ARVCF: variants seen among roughly 807,000 people sequenced by gnomAD.
The protein encoded by ARVCF is ARVCF delta catenin family member.
A neutral mutation model predicts 90.9 loss-of-function variants in ARVCF; 66 were observed. The observed-to-expected ratio is 0.73, with a 90% CI of 0.60 to 0.89. The LOEUF is 0.89. Among genes scored for constraint, ARVCF ranks in the 40% least tolerant of loss-of-function variants. The pLI is 0.00. For missense variants in ARVCF, 1,469 were observed against 1,382.3 expected, an observed-to-expected ratio of 1.06 and a Z score of -1.00; for synonymous variants, 653 against 603.4, an observed-to-expected ratio of 1.08 and a Z score of -1.21.
intron 2 of ARVCF, among the ~76,000 whole-genome samples, chr22:20,006,511 G>A (rs545666046): frequency 4.3e-4 from 64 of 150,354 alleles, no homozygotes; most frequent in Non-Finnish European, 6.8e-4. Flanking sequence ...CCCAGGAGGC[G>A]GAGCTTGCAG....
intron 2 of ARVCF, among the ~76,000 whole-genome samples, chr22:19,998,718 G>T (rs1201731970): frequency 6.6e-6 from 1 of 152,230 alleles, no homozygotes; most frequent in African/African-American, 2.4e-5. Flanking sequence ...TGCCCAGGAT[G>T]GCTGCAGGAA....
intron 16 of ARVCF, 99 bp from the exon 17 acceptor site, chr22:19,972,510 TC>T: frequency 6.9e-7 from 1 of 1,451,476 alleles, no homozygotes. Flanking sequence ...CTAGAGGCTC[TC>T]TGTCACTAAG....
At chr22:19,984,072 G>A (rs992311304) in intron 3 of ARVCF, among the ~76,000 whole-genome samples, 1 of 152,198 alleles carries the variant, frequency 6.6e-6, no homozygotes, top group Non-Finnish European at 1.5e-5. Flanking sequence ...CAGGCACTGA[G>A]GGGCTGCAGT....
intron 6 of ARVCF, chr22:19,979,512 G>A: frequency 4.6e-6 from 3 of 654,506 alleles, no homozygotes; most frequent in Non-Finnish European, 5.1e-6. Flanking sequence ...GAGGTGAGGG[G>A]ACATGCCCGA....
intron 2 of ARVCF, among the ~76,000 whole-genome samples, chr22:19,993,850 G>A (rs945277246): frequency 6.6e-6 from 1 of 152,172 alleles, no homozygotes; most frequent in Non-Finnish European, 1.5e-5. Context: ...AAAATAAACT[G>A]CAAAACAAAA....
rs923309318 is a variant in ARVCF at position 19,981,867 on chromosome 22, C to G, written c.369+66G>C. The G allele has an allele frequency of 3.2e-6, 5 of 1,586,640 alleles. No individual in the cohort carries two copies. In the Admixed American group the frequency reaches 8.7e-5, roughly 27 times the overall value. ...CACGTGGCAAGCTTCCATGTCCACT[C>G]TGCAGGTGGGACAGCTGCAGCAGCC... On this transcript the variant is annotated intron_variant, in intron 4 of 19. Coordinates refer to ENST00000263207, the MANE Select transcript of ARVCF (RefSeq NM_001670.3).
downstream of ARVCF, among the ~76,000 whole-genome samples, chr22:19,965,886 G>A (rs1425582997): frequency 6.6e-6 from 1 of 152,158 alleles, no homozygotes; most frequent in Admixed American, 6.5e-5. Flanking sequence ...CCCTGACAAA[G>A]GAGCATGATG....
chr22:19,972,699 G>C, intron 16 of ARVCF, 38 bp downstream of exon 16: 1 of 1,558,342 alleles, frequency 6.4e-7, no homozygotes, highest in Non-Finnish European at 8.7e-7. Context: ...GGCAGCTGGG[G>C]TCGCCACCCT....
chr22:19,987,935 G>A (rs1943880228), intron 3 of ARVCF, among the ~76,000 whole-genome samples: 1 of 152,176 alleles, frequency 6.6e-6, no homozygotes, highest in South Asian at 2.1e-4. Flanking sequence ...AAAAATGGGA[G>A]GGGAAGGGCC....
downstream of ARVCF, chr22:19,968,721 C>G (rs762482920): frequency 6.2e-7 from 1 of 1,604,810 alleles, no homozygotes; most frequent in Admixed American, 1.7e-5. Flanking sequence ...GCCCAGGCAG[C>G]GAAGCAGGGC....
intron 2 of ARVCF, among the ~76,000 whole-genome samples, chr22:20,003,533 A>C (rs1220919920): frequency 6.6e-6 from 1 of 152,222 alleles, no homozygotes; most frequent in Non-Finnish European, 1.5e-5. Context: ...AAACCTAACC[A>C]AGTGGGATTT....
chr22:19,987,205 C>A, intron 3 of ARVCF: 1 of 308,486 alleles, frequency 3.2e-6, no homozygotes, highest in Admixed American at 5.3e-5. Flanking sequence ...TCGCTCCCCG[C>A]GGGGGCGGAT....
chr22:19,973,768 A>C lies in ARVCF; in HGVS notation c.2114T>G (p.Val705Gly). ...CACCGGCAGCCCGCGCTCTTTGCGCACTGTGGCGCGGATGTACGTGGCCCA... is the reference window on the plus strand; with the variant it reads ...CACCGGCAGCCCGCGCTCTTTGCGCCCTGTGGCGCGGATGTACGTGGCCCA... ...WMWATYIRATVRKERGLPVLV... is the reference protein window; with the variant it reads ...WMWATYIRATGRKERGLPVLV... Residue 705 changes from valine (V) to glycine (G), a missense_variant, in exon 13 of 20, where the codon GTG becomes GGG. By Grantham distance (109) the Val-to-Gly change is moderately radical. Coordinates refer to ENST00000263207, the MANE Select transcript of ARVCF (RefSeq NM_001670.3). 1 of 1,607,180 alleles carries C rather than the reference A, an allele frequency of 6.2e-7. No individual in the cohort carries two copies. The highest frequency in any genetic ancestry group is 8.5e-7 in the Non-Finnish European group (1 of 1,179,762).
chr22:19,973,874 T>C, intron 12 of ARVCF, 81 bp from the exon 13 acceptor site: 5 of 1,532,388 alleles, frequency 3.3e-6, no homozygotes, highest in Non-Finnish European at 4.4e-6. Flanking sequence ...TCTCTCCAGC[T>C]GGACCTTCCT....
At chr22:19,987,801 G>A (rs937994086) in intron 3 of ARVCF, among the ~76,000 whole-genome samples, 1 of 152,082 alleles carries the variant, frequency 6.6e-6, no homozygotes, top group African/African-American at 2.4e-5. Flanking sequence ...CCCTGCAGGG[G>A]ACCCCCACTT....
At chr22:20,003,285 A>T (rs1467771243) in intron 2 of ARVCF, among the ~76,000 whole-genome samples, 1 of 152,244 alleles carries the variant, frequency 6.6e-6, no homozygotes, top group Non-Finnish European at 1.5e-5. Flanking sequence ...CAAACATTCA[A>T]GTAATTTTAA....
chr22:19,974,186 T>C lies in ARVCF; in HGVS notation c.2014A>G (p.Thr672Ala). ...AGGGTGTTGAAGTTCCGGCTCTCCG[T>C]GAGGAGGGAGAGGTAGAGACGTACC... ...EVVRLYLSLL[T>A]ESRNFNTLEA... The change falls in exon 12 of 20, where the codon ACG (threonine) becomes GCG (alanine). Residue 672 changes from threonine to alanine, a missense_variant. Thr to Ala is a moderately conservative substitution (Grantham distance 58). Coordinates refer to ENST00000263207, the MANE Select transcript of ARVCF (RefSeq NM_001670.3). 6.2e-7 allele frequency: 1 copy of C among 1,612,632 alleles called. No individual in the cohort carries two copies. Among genetic ancestry groups the C allele is most frequent in the Non-Finnish European group, 8.5e-7 (1 of 1,179,772 alleles).
At chr22:19,973,603 C>T in intron 13 of ARVCF, 40 bp downstream of exon 13, 2 of 1,575,546 alleles carry the variant, frequency 1.3e-6, no homozygotes, top group Non-Finnish European at 1.7e-6. Flanking sequence ...GCTGCAGGCA[C>T]AGTTCGGTGC....
intron 3 of ARVCF, among the ~76,000 whole-genome samples, chr22:19,987,387 A>G (rs1281652617): frequency 1.1e-4 from 3 of 26,278 alleles, no homozygotes; most frequent in African/African-American, 4.6e-4. Context: ...CCCACTTCCC[A>G]CCACCTCCCC....
Sources: gnomAD v4.1 joint callset for allele counts (sites outside exome capture counted in the v4.1 genomes callset) on GRCh38, gnomAD v4.1.1 for gene constraint, MANE v1.5 for transcripts, NCBI Gene and HGNC (gene_info 2026-07-23, HGNC 2026-07-21) for gene names.